The following PMS1 variants were observed in gnomAD, a reference collection of about 807,000 sequenced individuals.
PMS1 encodes PMS1 homolog 1, mismatch repair system component.
PMS1 carries 79 observed loss-of-function variants against 93.1 expected under a neutral mutation model. That is an observed-to-expected ratio of 0.85 (90% CI 0.71 to 1.02). The LOEUF is 1.02. Ranked by LOEUF, PMS1 falls within the 50% of genes least tolerant of loss-of-function variation. The probability of loss-of-function intolerance (pLI) is 0.00; values close to 1 mark genes in which losing one functional copy is unlikely to be tolerated. For missense variants in PMS1, 1,064 were observed against 1,085.3 expected (o/e 0.98, Z 0.28); for synonymous variants, 335 against 363.4 (o/e 0.92, Z 0.89).
At chr2:189,805,400 T>C (rs1047260190) in intron 3 of PMS1, among the ~76,000 whole-genome samples, 1 of 152,190 alleles carries the variant, frequency 6.6e-6, no homozygotes, top group African/African-American at 2.4e-5. Context: ...TCAGGTATAC[T>C]TGTTTGTGTA....
rs572033457 is a variant in PMS1 at position 189,873,707 on chromosome 2, G to A, written c.2634+51G>A. On this transcript the variant is annotated intron_variant, in intron 12 of 12. Transcript: ENST00000441310. ...ATTGTATACAGGGGTCCCAACTCCC[G>A]GGCCAAGCCGGTTAGGAACCAGGCC... 5.1e-4 allele frequency: 698 copies of A among 1,378,224 alleles called. 10 individuals are homozygous for A. The South Asian group carries it at 7.9e-3, about 16-fold the overall frequency. The allele number at this position is 1,378,224 out of a possible 1,614,324, so 85.4% of individuals were successfully genotyped here.
intron 5 of PMS1, among the ~76,000 whole-genome samples, chr2:189,840,658 A>G (rs1275122298): frequency 6.6e-6 from 1 of 152,208 alleles, no homozygotes; most frequent in Non-Finnish European, 1.5e-5. Context: ...GCATATCTGT[A>G]TGAAAATGAA....
At chr2:189,825,274 A>G (rs944929443) in intron 5 of PMS1, among the ~76,000 whole-genome samples, 3 of 152,154 alleles carry the variant, frequency 2.0e-5, no homozygotes, top group African/African-American at 7.2e-5. Context: ...AAAGGGAAAT[A>G]ATTTACAAGT....
Position 189,816,143 on chromosome 2 carries a change from TGCCTAAG to T in PMS1, c.419-1871_419-1865del, listed in dbSNP as rs951092324. 5.6e-4 allele frequency among the ~76,000 whole-genome samples: 86 copies of T among 152,226 alleles called. 4 individuals carry two copies. Among genetic ancestry groups the T allele is most frequent in the Non-Finnish European group, 2.9e-5 (2 of 68,038 alleles). ...ACTTCCTGGGCTCAAGCCATCCTAC[TGCCTAAG>T]GCTCCCAAGTAGTTGGGATTATAGG... On this transcript the variant is annotated intron_variant, in intron 4 of 12. Coordinates refer to ENST00000441310, the MANE Select transcript of PMS1 (RefSeq NM_000534.5).
At chr2:189,799,967 G>T (rs1219396236) in intron 3 of PMS1, among the ~76,000 whole-genome samples, 1 of 152,210 alleles carries the variant, frequency 6.6e-6, no homozygotes, top group Non-Finnish European at 1.5e-5. Context: ...AGCCTACAAT[G>T]TAGGTCTTCT....
At chr2:189,788,802 C>A (rs2048595155) in intron 1 of PMS1, among the ~76,000 whole-genome samples, 1 of 151,964 alleles carries the variant, frequency 6.6e-6, no homozygotes, top group South Asian at 2.1e-4. Context: ...TTTGGACTAC[C>A]CACGTTTCTA....
chr2:189,867,751 C>T (rs750012950), intron 10 of PMS1, 48 bp from the exon 11 acceptor site: 4 of 1,406,546 alleles, frequency 2.8e-6, no homozygotes, highest in Non-Finnish European at 4.0e-6. Flanking sequence ...CGTAAACCCC[C>T]TTATTTTGTG....
intron 9 of PMS1, chr2:189,857,517 A>T: frequency 2.1e-6 from 1 of 466,654 alleles, no homozygotes; most frequent in South Asian, 1.6e-5. Context: ...ATATTAAGAG[A>T]TATGAGAGTA....
In PMS1 at chr2:189,854,511, T is replaced by G; in HGVS notation, c.1239T>G (p.Ile413Met). ...TDDCLNHQISIGDFGYGHCSS... is the reference protein window; with the variant it reads ...TDDCLNHQISMGDFGYGHCSS... ...ATTGTTTAAATCACCAGATAAGTAT[T>G]GGTGACTTTGGTTATGGTCATTGTA... Residue 413 changes from isoleucine (I) to methionine (M), a missense_variant, in exon 9 of 13, where the codon ATT (isoleucine) becomes ATG (methionine). By Grantham distance (10) the Ile-to-Met change is conservative. Transcript: ENST00000441310. 1 of 1,613,778 alleles carries G rather than the reference T, an allele frequency of 6.2e-7. No individual in the cohort carries two copies. Among genetic ancestry groups the G allele is most frequent in the Non-Finnish European group, 8.5e-7 (1 of 1,179,814 alleles).
chr2:189,811,285 A>G (rs1277484368), intron 4 of PMS1, among the ~76,000 whole-genome samples: 1 of 151,170 alleles, frequency 6.6e-6, no homozygotes, highest in Admixed American at 6.6e-5. Flanking sequence ...AAATCTGAAA[A>G]AAAAAAAAAA....
At chr2:189,873,376 G>A in intron 11 of PMS1, 120 bp from the exon 12 acceptor site, 1 of 683,086 alleles carries the variant, frequency 1.5e-6, no homozygotes. Flanking sequence ...ACAAAACTTT[G>A]TCCTGACTGT....
chr2:189,873,616 T>C lies in PMS1; in HGVS notation c.2594T>C (p.Val865Ala). The change falls in exon 12 of 13, where the codon GTT (valine) becomes GCT (alanine). Residue 865 changes from valine (V) to alanine (A), a missense_variant. Physicochemically the swap from Val to Ala is moderately conservative, Grantham distance 64 (BLOSUM62 0). Coordinates refer to ENST00000441310, the MANE Select transcript of PMS1 (RefSeq NM_000534.5). ...NAILNRNAKEVYECRPRKVIS... is the reference protein window; with the variant it reads ...NAILNRNAKEAYECRPRKVIS... Reference sequence around the variant, plus strand: ...ATATTAAACAGAAATGCAAAGGAAGTTTATGAATGTAGACCTCGCAAAGTG... The same window carrying C: ...ATATTAAACAGAAATGCAAAGGAAGCTTATGAATGTAGACCTCGCAAAGTG... The C allele has an allele frequency of 6.2e-7, 1 of 1,606,900 alleles. No homozygotes were observed. The highest frequency in any genetic ancestry group is 8.5e-7 in the Non-Finnish European group (1 of 1,173,524).
chr2:189,818,258 A>G (rs1489037785), intron 5 of PMS1, 78 bp downstream of exon 5: 8 of 939,716 alleles, frequency 8.5e-6, no homozygotes, highest in Non-Finnish European at 1.2e-5. Flanking sequence ...TCAGTTAGAT[A>G]TGGGCTATGA....
chr2:189,863,245 G>T (rs2056215814), intron 9 of PMS1, among the ~76,000 whole-genome samples: 1 of 149,654 alleles, frequency 6.7e-6, no homozygotes, highest in African/African-American at 2.5e-5. Flanking sequence ...TTTCTTTTTG[G>T]TGTTTTTTTT....
At chr2:189,795,016 C>T (rs1215172757) in intron 2 of PMS1, among the ~76,000 whole-genome samples, 1 of 152,134 alleles carries the variant, frequency 6.6e-6, no homozygotes, top group Non-Finnish European at 1.5e-5. Context: ...GGGAGGATCA[C>T]AAGCCCAGGC....
rs137890224 is a variant in PMS1, at chr2:189,863,621, A to G, written c.1857-122A>G. On this transcript the variant is annotated intron_variant, in intron 9 of 12. Coordinates refer to ENST00000441310, the MANE Select transcript of PMS1 (RefSeq NM_000534.5). ...TTATATGCAGGAGAGTTAGTCTAAT[A>G]CATGTTCCTTTGTCATTACTATATC... is the stretch of plus-strand genomic sequence containing the variant. 6 of 729,610 alleles carry G rather than the reference A, an allele frequency of 8.2e-6. No homozygotes were observed. The African/African-American group carries it at 9.0e-5, about 11-fold the overall frequency. 45.2% of individuals were successfully genotyped at this position (729,610 alleles called of 1,614,324 possible).
chr2:189,830,550 A>G (rs1345879307), intron 5 of PMS1, among the ~76,000 whole-genome samples: 1 of 152,118 alleles, frequency 6.6e-6, no homozygotes, highest in Non-Finnish European at 1.5e-5. Flanking sequence ...AATATGCTAT[A>G]TATTTTATTT....
chr2:189,832,221 A>G (rs550978985), intron 5 of PMS1, among the ~76,000 whole-genome samples: 29 of 152,238 alleles, frequency 1.9e-4, no homozygotes, highest in South Asian at 4.1e-4. Context: ...CATGTAGAGG[A>G]TGGAGTTGTA....
intron 4 of PMS1, among the ~76,000 whole-genome samples, chr2:189,808,695 G>A (rs867888115): frequency 2.0e-5 from 3 of 152,040 alleles, no homozygotes; most frequent in Non-Finnish European, 4.4e-5. Context: ...GTTTTTCTAG[G>A]TGTATATTTG....
Sources: allele counts gnomAD v4.1 joint callset (sites outside exome capture counted in the v4.1 genomes callset), GRCh38; gene constraint gnomAD v4.1.1; transcripts MANE v1.5; gene names NCBI Gene and HGNC (gene_info 2026-07-23, HGNC 2026-07-21).